Variants in FGGY observed in about 807,000 individuals in gnomAD.
The protein encoded by FGGY is FGGY carbohydrate kinase domain-containing protein.
FGGY carries 72 observed loss-of-function variants against 71.3 expected under a neutral mutation model. That is an observed-to-expected ratio of 1.01 (90% confidence interval 0.84 to 1.23). The LOEUF is 1.23. Ranked by LOEUF, FGGY falls within the 50% of genes most tolerant of loss-of-function variation. The pLI is 0.00. For synonymous variants in FGGY, 251 were observed against 250.3 expected (o/e 1.00, Z -0.02); for missense variants, 668 against 682.3 (o/e 0.98, Z 0.23).
At chr1:59,569,163 T>G (rs1046341549) in intron 8 of FGGY, among the ~76,000 whole-genome samples, 1 of 152,174 alleles carries the variant, frequency 6.6e-6, no homozygotes, top group African/African-American at 2.4e-5. Flanking sequence ...TGTATAAACT[T>G]TCTAATCCTC....
chr1:59,638,236 G>A lies in FGGY; in HGVS notation c.1082G>A (p.Ser361Asn). The change falls in exon 11 of 16, where the codon AGT becomes AAT. Residue 361 changes from serine to asparagine, a missense_variant. Transcript: ENST00000303721. ...ATTCACTTCTCTTCCAGATGCCAGAGTATATATGCATATTTGAACAGTCAC... is the reference window on the plus strand; with the variant it reads ...ATTCACTTCTCTTCCAGATGCCAGAATATATATGCATATTTGAACAGTCAC... ...LQVKATARCQ[S>N]IYAYLNSHLD... 2 of 1,613,984 alleles carry A rather than the reference G, an allele frequency of 1.2e-6. No homozygotes were observed. The highest frequency in any genetic ancestry group is 1.7e-6 in the Non-Finnish European group (2 of 1,179,946).
intron 14 of FGGY, among the ~76,000 whole-genome samples, chr1:59,718,256 C>T (rs1287855763): frequency 1.3e-5 from 2 of 152,186 alleles, no homozygotes; most frequent in East Asian, 1.9e-4. Flanking sequence ...CACACTGCCT[C>T]CTGTTGGTGT....
At chr1:59,738,438 C>G (rs1336617667) in intron 14 of FGGY, among the ~76,000 whole-genome samples, 1 of 152,162 alleles carries the variant, frequency 6.6e-6, no homozygotes, top group Non-Finnish European at 1.5e-5. Flanking sequence ...GTAAAGAAAG[C>G]TTTTGGTGTT....
intron 1 of FGGY, among the ~76,000 whole-genome samples, chr1:59,312,584 G>T (rs758153657): frequency 6.6e-6 from 1 of 152,202 alleles, no homozygotes; most frequent in Non-Finnish European, 1.5e-5. Context: ...ATGGAAGATG[G>T]TATGGGAGAT....
intron 2 of FGGY, among the ~76,000 whole-genome samples, chr1:59,332,860 A>G (rs574733821): frequency 2.0e-5 from 3 of 152,360 alleles, no homozygotes; most frequent in South Asian, 2.1e-4. Flanking sequence ...CTTACGTGAC[A>G]CAGAGAGCAA....
intron 12 of FGGY, among the ~76,000 whole-genome samples, chr1:59,665,459 C>T (rs1027817363): frequency 2.0e-5 from 3 of 152,178 alleles, no homozygotes; most frequent in African/African-American, 7.2e-5. Context: ...TGCTCCTGAA[C>T]TGCCCCTGTC....
At chr1:59,708,304 C>A (rs2097770299) in intron 14 of FGGY, among the ~76,000 whole-genome samples, 2 of 151,970 alleles carry the variant, frequency 1.3e-5, no homozygotes, top group Non-Finnish European at 2.9e-5. Context: ...CTAATGTGCT[C>A]AATTTTCATT....
At chr1:59,606,167 T>A (rs1309192949) in intron 8 of FGGY, among the ~76,000 whole-genome samples, 7 of 152,042 alleles carry the variant, frequency 4.6e-5, no homozygotes, top group East Asian at 1.9e-4. Flanking sequence ...TAAAAAATTT[T>A]AAAAAAATGG....
chr1:59,381,838 A>C (rs1006906335), intron 5 of FGGY, among the ~76,000 whole-genome samples: 2 of 152,232 alleles, frequency 1.3e-5, no homozygotes, highest in African/African-American at 4.8e-5. Context: ...GTAAGTTATG[A>C]ATGTTAAAAA....
chr1:59,361,842 C>G (rs1213899907), intron 4 of FGGY, among the ~76,000 whole-genome samples: 1 of 152,164 alleles, frequency 6.6e-6, no homozygotes, highest in African/African-American at 2.4e-5. Context: ...CAAGACTAGA[C>G]AGTGTGCCTG....
chr1:59,658,710 G>A (rs1407047643), intron 11 of FGGY, among the ~76,000 whole-genome samples: 5 of 152,206 alleles, frequency 3.3e-5, no homozygotes, highest in African/African-American at 4.8e-5. Flanking sequence ...TTTAAGAACA[G>A]TCGATCTAGC....
intron 4 of FGGY, 64 bp downstream of exon 4, chr1:59,346,462 T>TGTAG (rs1341891837): frequency 2.6e-6 from 4 of 1,564,542 alleles, no homozygotes; most frequent in Non-Finnish European, 3.5e-6. Context: ...ACTGTGGACC[T>TGTAG]GTAGGTACCA....
chr1:59,740,721 C>T (rs1427833518), intron 14 of FGGY, among the ~76,000 whole-genome samples: 1 of 152,212 alleles, frequency 6.6e-6, no homozygotes, highest in African/African-American at 2.4e-5. Flanking sequence ...CTCCTACTGC[C>T]TCTAACAGCC....
At chr1:59,627,002 ATATAAC>A in intron 10 of FGGY, 1 of 152,246 alleles carries the variant, frequency 6.6e-6, no homozygotes, top group South Asian at 2.1e-4. Context: ...ATACCTTTTT[ATATAAC>A]TATAACTCTT....
chr1:59,739,843 C>T (rs2098133722), intron 14 of FGGY, among the ~76,000 whole-genome samples: 1 of 152,198 alleles, frequency 6.6e-6, no homozygotes, highest in African/African-American at 2.4e-5. Flanking sequence ...AGGCAGGCTT[C>T]TACCACTCTA....
At chr1:59,688,749 GA>G (rs1337725208) in intron 14 of FGGY, among the ~76,000 whole-genome samples, 1 of 72,888 alleles carries the variant, frequency 1.4e-5, no homozygotes, top group Non-Finnish European at 2.4e-5. Flanking sequence ...GTGTTTTTTA[GA>G]ATTTTTTTTT....
intron 3 of FGGY, among the ~76,000 whole-genome samples, chr1:59,344,852 G>T (rs530583113): frequency 6.6e-6 from 1 of 152,240 alleles, no homozygotes; most frequent in South Asian, 2.1e-4. Flanking sequence ...TCAATCCACG[G>T]TTGGTTGAAT....
intron 7 of FGGY, among the ~76,000 whole-genome samples, chr1:59,518,983 A>C (rs1165457941): frequency 6.6e-6 from 1 of 152,252 alleles, no homozygotes; most frequent in African/African-American, 2.4e-5. Flanking sequence ...TTGCACAGCA[A>C]ACAGCTGAGG....
chr1:59,518,662 T>G (rs1484871803), intron 7 of FGGY, among the ~76,000 whole-genome samples: 5 of 152,178 alleles, frequency 3.3e-5, no homozygotes, highest in African/African-American at 1.2e-4. Context: ...TAATAGTGTG[T>G]TGCACCACCC....
Sources: allele counts gnomAD v4.1 joint callset (sites outside exome capture counted in the v4.1 genomes callset), GRCh38; gene constraint gnomAD v4.1.1; transcripts MANE v1.5; gene names NCBI Gene and HGNC (gene_info 2026-07-23, HGNC 2026-07-21).